Variants in GSDME observed in about 807,000 individuals in gnomAD.
The protein encoded by GSDME is gasdermin-E.
In GSDME, 44 loss-of-function variants were observed where a neutral mutation model predicts 47.5. That is an observed-to-expected ratio of 0.93 (90% CI 0.73 to 1.19). The LOEUF is 1.19. GSDME is among the 50% of genes most tolerant of loss of function. GSDME has a pLI of 0.00. For synonymous variants in GSDME, 258 were observed against 252.8 expected (o/e 1.02, Z -0.20); for missense variants, 663 against 604.2 (o/e 1.10, Z -1.02).
At chr7:24,771,910 C>T in the GSDME span, among the ~76,000 whole-genome samples, 5 of 152,318 alleles carry the variant, frequency 3.3e-5, no homozygotes, top group African/African-American at 7.2e-5. This position sits in a 1 kb window ranked among gnomAD's most constrained non-coding sequence, Gnocchi z 4.1. Flanking sequence ...GCATCCCTGA[C>T]GTGAATGGAG....
intron 9 of GSDME, among the ~76,000 whole-genome samples, chr7:24,700,215 C>T (rs17208801): frequency 0.038 from 5,811 of 152,230 alleles, 151 homozygotes; most frequent in Non-Finnish European, 0.057. Flanking sequence ...AGAGCAGGGA[C>T]CTTGTCTGCC....
At chr7:24,785,604 T>C in the GSDME span, among the ~76,000 whole-genome samples, 2 of 152,278 alleles carry the variant, frequency 1.3e-5, no homozygotes, top group South Asian at 4.1e-4. Context: ...TACAGGCACA[T>C]GCCACCATGC....
At chr7:24,775,291 C>G in the GSDME span, among the ~76,000 whole-genome samples, 1 of 152,144 alleles carries the variant, frequency 6.6e-6, no homozygotes. Flanking sequence ...GGATGTTGAT[C>G]ATTTGCTATG....
At chr7:24,788,860 ATTCAG>A in the GSDME span, among the ~76,000 whole-genome samples, 61 of 152,208 alleles carry the variant, frequency 4.0e-4, no homozygotes, top group Non-Finnish European at 7.6e-4. The surrounding 1 kb of genome is among the most constrained non-coding windows in gnomAD (Gnocchi z 4.6). Flanking sequence ...GGCAGATTTG[ATTCAG>A]TTCAACAGGC....
chr7:24,780,179 A>G, the GSDME span, among the ~76,000 whole-genome samples: 4 of 152,336 alleles, frequency 2.6e-5, no homozygotes, highest in African/African-American at 7.2e-5. This position sits in a 1 kb window ranked among gnomAD's most constrained non-coding sequence, Gnocchi z 4.1. Context: ...GGTCCCATGC[A>G]AAGTTCCCGC....
intron 3 of GSDME, 45 bp from the exon 4 acceptor site, chr7:24,719,263 C>T (rs1435053572): frequency 3.1e-6 from 5 of 1,588,402 alleles, no homozygotes. Flanking sequence ...CCTCAGGGGA[C>T]ATTGGTGTAG....
At chr7:24,701,141 GT>G (rs1309470056) in intron 9 of GSDME, among the ~76,000 whole-genome samples, 2 of 152,176 alleles carry the variant, frequency 1.3e-5, no homozygotes, top group Non-Finnish European at 2.9e-5. Context: ...ATTTTGTGCC[GT>G]TTTAAGTAAA....
At chr7:24,723,244 T>A (rs1562700510) in intron 3 of GSDME, among the ~76,000 whole-genome samples, 1 of 152,184 alleles carries the variant, frequency 6.6e-6, no homozygotes, top group Non-Finnish European at 1.5e-5. Context: ...CGTTTGACTC[T>A]CTGAAAAGCA....
rs1790265190 is a variant in GSDME, at chr7:24,735,171, TTACAC to T, written c.404+9386_404+9390del. On this transcript the variant is annotated intron_variant, in intron 3 of 9. Coordinates refer to ENST00000645220, the MANE Select transcript of GSDME (RefSeq NM_001127453.2). The surrounding 1 kb of genome is among the most constrained non-coding windows in gnomAD (Gnocchi z 4.4). ...CTAAAGTGCTGAAGGAAAAAAACGT[TTACAC>T]TAGAATAGTATATTCAGCAAAACTA... Among the ~76,000 whole-genome samples, 1 of 152,090 alleles carries T rather than the reference TTACAC, an allele frequency of 6.6e-6. No individual in the cohort carries two copies. The highest frequency in any genetic ancestry group is 1.5e-5 in the Non-Finnish European group (1 of 68,022).
chr7:24,785,451 T>G, the GSDME span, among the ~76,000 whole-genome samples: 2 of 152,180 alleles, frequency 1.3e-5, no homozygotes, highest in Admixed American at 6.5e-5. Flanking sequence ...TAATTCACTT[T>G]TTTGTTTGTT....
the GSDME span, among the ~76,000 whole-genome samples, chr7:24,792,356 G>A: frequency 1.3e-5 from 2 of 152,192 alleles, no homozygotes; most frequent in East Asian, 3.9e-4. Flanking sequence ...TGGGGGGCAA[G>A]ACTCCTGGTT....
rs149188029 is a variant in GSDME, at chr7:24,749,643, C to G, written c.132G>C (p.Trp44Cys). The stretch of plus-strand genomic sequence containing the variant: ...ACTGGTACTTGGGTCTCTGCCAGCA[C>G]CAGAATCTCTTCTTTTTTGTCACCA... ...LSLVTKKKRF[W>C]CWQRPKYQFL... The change falls in exon 2 of 10, where the codon TGG becomes TGC. Residue 44 changes from tryptophan (W) to cysteine (C), a missense_variant. By Grantham distance (215) the Trp-to-Cys change is radical (BLOSUM62 -2). Transcript: ENST00000645220. 9 of 1,613,978 alleles carry G rather than the reference C, an allele frequency of 5.6e-6. No homozygotes were observed. Among genetic ancestry groups the G allele is most frequent in the Non-Finnish European group, 7.6e-6 (9 of 1,180,026 alleles).
intron 2 of GSDME, among the ~76,000 whole-genome samples, chr7:24,748,161 TATA>T (rs1194913346): frequency 0.056 from 6,259 of 112,706 alleles, 159 homozygotes; most frequent in African/African-American, 0.06. Context: ...TATATATATA[TATA>T]TATATTTTTT....
the GSDME span, among the ~76,000 whole-genome samples, chr7:24,775,409 T>C: frequency 6.6e-6 from 1 of 152,242 alleles, no homozygotes; most frequent in Admixed American, 6.5e-5. Context: ...AGCTCAGATA[T>C]GTTAACTAAT....
the GSDME span, among the ~76,000 whole-genome samples, chr7:24,785,086 T>C: frequency 6.6e-6 from 1 of 152,222 alleles, no homozygotes; most frequent in Admixed American, 6.5e-5. Flanking sequence ...GTCAGCAAAC[T>C]GTAGTCTGCA....
rs1013227015 is a variant in GSDME, at chr7:24,705,831, G to A, written c.1183+353C>T. On this transcript the variant is annotated intron_variant, in intron 8 of 9. Coordinates refer to ENST00000645220, the MANE Select transcript of GSDME (RefSeq NM_001127453.2). The surrounding 1 kb of genome is among the most constrained non-coding windows in gnomAD (Gnocchi z 4.1). ...TGCTGGAGGAGAGCAGTTGGCAAAT[G>A]AAAGTTGCTGCCACTCAGCTCTGCT... 4 of 382,416 alleles carry A rather than the reference G, an allele frequency of 1.0e-5. No individual in the cohort carries two copies. The highest frequency in any genetic ancestry group is 6.2e-5 in the African/African-American group (3 of 48,202). The allele number at this position is 382,416 out of a possible 1,614,324, so 23.7% of individuals were successfully genotyped here.
upstream of GSDME, among the ~76,000 whole-genome samples, chr7:24,758,468 C>T (rs1277743011): frequency 6.6e-6 from 1 of 152,188 alleles, no homozygotes; most frequent in African/African-American, 2.4e-5. The surrounding 1 kb of genome is among the most constrained non-coding windows in gnomAD (Gnocchi z 4.6). Context: ...TGCTCAGTGA[C>T]ACTTTCAGTC....
chr7:24,764,360 T>G, the GSDME span, among the ~76,000 whole-genome samples: 1 of 152,180 alleles, frequency 6.6e-6, no homozygotes, highest in Non-Finnish European at 1.5e-5. This position sits in a 1 kb window ranked among gnomAD's most constrained non-coding sequence, Gnocchi z 4.4. Flanking sequence ...TTCAAACTGT[T>G]GGTAGAAATG....
the GSDME span, among the ~76,000 whole-genome samples, chr7:24,780,875 G>T: frequency 1.9e-4 from 29 of 152,118 alleles, no homozygotes; most frequent in Admixed American, 1.1e-3. The surrounding 1 kb of genome is among the most constrained non-coding windows in gnomAD (Gnocchi z 4.1). Flanking sequence ...TTCCCTCAAA[G>T]AATTTGGTTT....
Sources: allele counts gnomAD v4.1 joint callset (sites outside exome capture counted in the v4.1 genomes callset), GRCh38; gene constraint gnomAD v4.1.1; non-coding constraint Gnocchi (gnomAD v3.1); transcripts MANE v1.5; gene names NCBI Gene and HGNC (gene_info 2026-07-23, HGNC 2026-07-21).